The following PCDHAC1 variants were observed in gnomAD, a reference collection of about 807,000 sequenced individuals.
PCDHAC1 encodes protocadherin alpha subfamily C, 1, also known as protocadherin alpha-C1.
In PCDHAC1, 42 loss-of-function variants were observed where a neutral mutation model predicts 60.0. The ratio of observed to expected loss-of-function variants is 0.70; its 90% confidence interval spans 0.55 to 0.90. The LOEUF (loss-of-function observed/expected upper bound fraction) is 0.90. PCDHAC1 is among the 40% of genes least tolerant of loss of function. The pLI is 0.00. For synonymous variants in PCDHAC1, 468 were observed against 499.3 expected (o/e 0.94, Z 0.84); for missense variants, 1,160 against 1,222.3 (o/e 0.95, Z 0.76).
At chr5:140,971,845 G>C (rs370364575) in intron 1 of PCDHAC1, among the ~76,000 whole-genome samples, 1 of 151,934 alleles carries the variant, frequency 6.6e-6, no homozygotes, top group Non-Finnish European at 1.5e-5. Flanking sequence ...CAAGTCATGC[G>C]TTAAATATTT....
intron 1 of PCDHAC1, 170 bp from the exon 2 acceptor site, chr5:140,978,779 C>T: frequency 2.1e-6 from 2 of 969,908 alleles, no homozygotes; most frequent in Non-Finnish European, 2.5e-6. Flanking sequence ...TAATTTTCTT[C>T]TAAAGTGCTA....
intron 1 of PCDHAC1, among the ~76,000 whole-genome samples, chr5:140,959,596 A>G (rs2095498979): frequency 6.6e-6 from 1 of 152,224 alleles, no homozygotes; most frequent in Non-Finnish European, 1.5e-5. Flanking sequence ...AGCCAAGTAT[A>G]ACATGCTTTT....
intron 1 of PCDHAC1, chr5:140,966,927 C>T (rs1434590204): frequency 1.2e-6 from 2 of 1,603,398 alleles, no homozygotes; most frequent in Admixed American, 1.7e-5. Flanking sequence ...GAGCAGGCAC[C>T]CGGCGCGCTC....
At chr5:140,990,367 A>G (rs1162635749) in intron 3 of PCDHAC1, among the ~76,000 whole-genome samples, 1 of 152,104 alleles carries the variant, frequency 6.6e-6, no homozygotes, top group Non-Finnish European at 1.5e-5. Context: ...AATCTAATAA[A>G]GCAAATTTGT....
At chr5:140,960,742 T>C (rs1336861398) in intron 1 of PCDHAC1, among the ~76,000 whole-genome samples, 1 of 151,530 alleles carries the variant, frequency 6.6e-6, no homozygotes, top group Non-Finnish European at 1.5e-5. Flanking sequence ...TTTTAGTCCA[T>C]GGCTAAAATC....
chr5:141,000,972 CT>C (rs2097980392), intron 3 of PCDHAC1, among the ~76,000 whole-genome samples: 1 of 151,780 alleles, frequency 6.6e-6, no homozygotes, highest in Non-Finnish European at 1.5e-5. Context: ...CTTCATATTC[CT>C]TTTTTATAAA....
intron 1 of PCDHAC1, among the ~76,000 whole-genome samples, chr5:140,960,851 T>C (rs782540669): frequency 5.3e-5 from 8 of 152,210 alleles, no homozygotes; most frequent in Non-Finnish European, 7.3e-5. Context: ...TAATGGCAAC[T>C]ATAAGCCAGA....
At chr5:140,967,872 A>C (rs2096192784) in intron 1 of PCDHAC1, 2 of 1,614,034 alleles carry the variant, frequency 1.2e-6, no homozygotes, top group Non-Finnish European at 1.7e-6. Context: ...GTGCTCACGG[A>C]CCTGTATAGC....
chr5:140,956,707 C>T (rs1461272130), intron 1 of PCDHAC1, among the ~76,000 whole-genome samples: 9 of 152,120 alleles, frequency 5.9e-5, no homozygotes, highest in Non-Finnish European at 1.3e-4. Flanking sequence ...TTTGGAATAG[C>T]TTCAGAAGAA....
At position 141,010,067 on chromosome 5, in the gene PCDHAC1, G is replaced by C; in HGVS notation, c.*130G>C. 6.2e-7 allele frequency: 1 copy of C among 1,604,516 alleles called. No homozygotes were observed. The highest frequency in any genetic ancestry group is 1.1e-5 in the South Asian group (1 of 89,502). ...TAGAGACCTCAGAAATCTGCAGAAA[G>C]TTCCCTGTGTCTGTCTAGAACGCAT... On this transcript the variant is annotated 3_prime_UTR_variant, in exon 4 of 4. Coordinates refer to ENST00000253807, the MANE Select transcript of PCDHAC1 (RefSeq NM_018898.5).
intron 3 of PCDHAC1, among the ~76,000 whole-genome samples, chr5:140,990,073 GA>G (rs1319076601): frequency 2.6e-5 from 4 of 152,060 alleles, no homozygotes; most frequent in Non-Finnish European, 5.9e-5. Context: ...AAATAAGGGG[GA>G]CAAAGGATGC....
intron 1 of PCDHAC1, chr5:140,968,553 G>A (rs782583876): frequency 4.3e-6 from 7 of 1,614,132 alleles, no homozygotes; most frequent in South Asian, 2.2e-5. Context: ...ATGGTGCCTC[G>A]AACTGCCCCT....
intron 1 of PCDHAC1, among the ~76,000 whole-genome samples, chr5:140,933,130 A>G (rs2088870055): frequency 6.6e-6 from 1 of 151,994 alleles, no homozygotes; most frequent in Non-Finnish European, 1.5e-5. Context: ...CTAAATAATA[A>G]AGGTAGATAG....
intron 3 of PCDHAC1, among the ~76,000 whole-genome samples, chr5:141,008,824 T>C (rs1042258496): frequency 6.6e-6 from 1 of 152,186 alleles, no homozygotes; most frequent in African/African-American, 2.4e-5. Flanking sequence ...TACAACAGGA[T>C]TCCATCCTCT....
chr5:140,926,540 T>G lies in PCDHAC1; in HGVS notation c.-353T>G. On this transcript the variant is annotated 5_prime_UTR_variant, in exon 1 of 4. Coordinates refer to ENST00000253807, the MANE Select transcript of PCDHAC1 (RefSeq NM_018898.5). ...CGCCCTGCGCCCGCAGCCAGCGTGG[T>G]GGTCGAGACCCCAGCCCGCTGCTAC... 4.6e-6 allele frequency: 1 copy of G among 215,362 alleles called. No individual in the cohort carries two copies. The highest frequency in any genetic ancestry group is 9.1e-6 in the Non-Finnish European group (1 of 110,488). 13.3% of individuals were successfully genotyped at this position (215,362 alleles called of 1,614,324 possible).
chr5:140,943,640 A>G (rs1288085106), intron 1 of PCDHAC1, among the ~76,000 whole-genome samples: 1 of 152,224 alleles, frequency 6.6e-6, no homozygotes, highest in African/African-American at 2.4e-5. Context: ...TGGATTATGG[A>G]TAAAACCATC....
chr5:140,958,385 A>C (rs2095421525), intron 1 of PCDHAC1, among the ~76,000 whole-genome samples: 1 of 152,206 alleles, frequency 6.6e-6, no homozygotes, highest in African/African-American at 2.4e-5. Flanking sequence ...TTTTCTTAAC[A>C]GGTCATCAAA....
intron 3 of PCDHAC1, among the ~76,000 whole-genome samples, chr5:141,000,351 GTCTC>G (rs1554257240): frequency 3.0e-5 from 2 of 66,862 alleles, no homozygotes. Flanking sequence ...CTCTCTCTCT[GTCTC>G]TCTCTGTCTC....
chr5:140,968,476 G>A (rs1295691287), intron 1 of PCDHAC1: 1 of 1,613,974 alleles, frequency 6.2e-7, no homozygotes, highest in East Asian at 2.2e-5. Flanking sequence ...TATATGTGGT[G>A]GACATGAATG....
Sources: gnomAD v4.1 joint callset for allele counts (sites outside exome capture counted in the v4.1 genomes callset) on GRCh38, gnomAD v4.1.1 for gene constraint, MANE v1.5 for transcripts, NCBI Gene and HGNC (gene_info 2026-07-23, HGNC 2026-07-21) for gene names.